The following NUDT6 variants were observed in gnomAD, a reference collection of about 807,000 sequenced individuals.
NUDT6 encodes the protein nudix hydrolase 6, also known as FAD diphosphatase NUDT6.
In NUDT6, 24 loss-of-function variants were observed where a neutral mutation model predicts 36.8. The observed-to-expected ratio is 0.65, with a 90% CI of 0.47 to 0.92. The LOEUF (loss-of-function observed/expected upper bound fraction) is 0.92, where lower values mean the gene tolerates loss of function less well. NUDT6 is among the 40% of genes least tolerant of loss of function. The pLI is 0.00. For synonymous variants in NUDT6, 163 were observed against 157.0 expected (o/e 1.04, Z -0.29); for missense variants, 388 against 392.8 (o/e 0.99, Z 0.10).
At position 122,899,044 on chromosome 4, in the gene NUDT6, A is replaced by ATTTTTTTTTTTTTTTTTTTTTTTT. The variant is rs113708696; in HGVS notation, c.499-1367_499-1366insAAAAAAAAAAAAAAAAAAAAAAAA. 1.1e-3 allele frequency among the ~76,000 whole-genome samples: 78 copies of ATTTTTTTTTTTTTTTTTTTTTTTT among 69,396 alleles called. 22 individuals are homozygous for ATTTTTTTTTTTTTTTTTTTTTTTT. Among genetic ancestry groups the ATTTTTTTTTTTTTTTTTTTTTTTT allele is most frequent in the South Asian group, 1.7e-3 (4 of 2,308 alleles). The allele number at this position is 69,396 out of a possible 152,430, so 45.5% of individuals were successfully genotyped here. A position where few individuals can be genotyped will look rare whatever the true frequency, so the allele number is the denominator to read the frequency against. On this transcript the variant is annotated intron_variant, in intron 3 of 4. Coordinates refer to ENST00000304430, the MANE Select transcript of NUDT6 (RefSeq NM_007083.5). ...CTACAGGTGTGCACCACCACACCTA[A>ATTTTTTTTTTTTTTTTTTTTTTTT]TTTTTTTTTTTTTTTTAGAGATGAG...
intron 1 of NUDT6, chr4:122,920,746 C>G (rs1011204108): frequency 2.0e-5 from 3 of 152,184 alleles, no homozygotes; most frequent in Non-Finnish European, 2.9e-5. Context: ...TACCCACACA[C>G]TGGAAGATAA....
At chr4:122,910,587 TG>T (rs142026840) in intron 3 of NUDT6, among the ~76,000 whole-genome samples, 24,099 of 152,140 alleles carry the variant, frequency 0.16, 2,413 homozygotes, top group East Asian at 0.45. Context: ...AAATCACTTC[TG>T]AAACCCAGTG....
Position 122,893,278 on chromosome 4 carries a change from G to C in NUDT6, c.554-53C>G. 2.0e-6 allele frequency: 3 copies of C among 1,489,820 alleles called. No homozygotes were observed. In the South Asian group the frequency reaches 4.2e-5, roughly 21 times the overall value. The allele number at this position is 1,489,820 out of a possible 1,614,324, so 92.3% of individuals were successfully genotyped here. ...AATAATAATTACACTTTTAGAAACT[G>C]TATCATCAAAGATTTTCAGTTAAAG... On this transcript the variant is annotated intron_variant, in intron 4 of 4. Coordinates refer to ENST00000304430, the MANE Select transcript of NUDT6 (RefSeq NM_007083.5).
intron 2 of NUDT6, among the ~76,000 whole-genome samples, chr4:122,916,902 C>T (rs1706625777): frequency 6.6e-6 from 1 of 152,106 alleles, no homozygotes; most frequent in South Asian, 2.1e-4. Flanking sequence ...ACAGGGAAGG[C>T]TACTAAGTAA....
At chr4:122,920,430 A>T (rs1727948642) in intron 1 of NUDT6, 1 of 152,260 alleles carries the variant, frequency 6.6e-6, no homozygotes, top group African/African-American at 2.4e-5. Flanking sequence ...AGTGCAACAA[A>T]ATTTGTTTTA....
intron 3 of NUDT6, among the ~76,000 whole-genome samples, chr4:122,910,310 A>G (rs1332894485): frequency 6.6e-6 from 1 of 152,216 alleles, no homozygotes; most frequent in African/African-American, 2.4e-5. Context: ...CTCAAAAAAC[A>G]TAAAGCTGTC....
chr4:122,897,865 C>G, intron 3 of NUDT6, 187 bp from the exon 4 acceptor site: 4 of 576,278 alleles, frequency 6.9e-6, no homozygotes. Flanking sequence ...GAGCTGGTAA[C>G]TGATGAAATC....
At chr4:122,893,474 C>T (rs1331710005) in intron 4 of NUDT6, 3 of 358,224 alleles carry the variant, frequency 8.4e-6, no homozygotes, top group Non-Finnish European at 1.5e-5. Context: ...GCTTATCTAC[C>T]TGTACATTTT....
rs376293988 is a variant in NUDT6, at chr4:122,922,451, A to G, written c.122T>C (p.Val41Ala). The change falls in exon 1 of 5, where the codon GTT becomes GCT. Residue 41 changes from valine (V) to alanine (A), a missense_variant. Val to Ala is a moderately conservative substitution (Grantham distance 64). Transcript: ENST00000304430. ...CTCGCCCTGCAGATCGCACGCTCCA[A>G]CTGGCGGATTCCGCACGTAACCCTG... The part of the protein sequence containing the change: ...GAQGYVRNPP[V>A]GACDLQGELD... The G allele has an allele frequency of 3.0e-5, 49 of 1,612,050 alleles. No homozygotes were observed. In the Middle Eastern group the frequency reaches 3.1e-3, roughly 103 times the overall value.
intron 3 of NUDT6, among the ~76,000 whole-genome samples, chr4:122,906,717 A>T (rs1400866395): frequency 1.3e-5 from 2 of 152,168 alleles, no homozygotes; most frequent in Non-Finnish European, 2.9e-5. Flanking sequence ...CCAGGAGGTT[A>T]GGCATTCTAA....
rs763437425 is a variant in NUDT6 at position 122,917,573 on chromosome 4, T to C, written c.370A>G (p.Thr124Ala). 1.1e-5 allele frequency: 18 copies of C among 1,614,084 alleles called. No individual in the cohort carries two copies. Among genetic ancestry groups the C allele is most frequent in the Non-Finnish European group, 1.4e-5 (17 of 1,180,040 alleles). Residue 124 changes from threonine (T) to alanine (A), a missense_variant, in exon 2 of 5, where the codon ACG (threonine) becomes GCG (alanine). By Grantham distance (58) the Thr-to-Ala change is moderately conservative. Transcript: ENST00000304430. ...CFHHAESDSS[T>A]LTLWLREGPS... ...CCTTCTCTCAGCCACAGAGTCAACGTTGATGAATCCGATTCTGCGTGGTGA... is the reference window on the plus strand; with the variant it reads ...CCTTCTCTCAGCCACAGAGTCAACGCTGATGAATCCGATTCTGCGTGGTGA...
chr4:122,902,171 G>A (rs1727536321), intron 3 of NUDT6, among the ~76,000 whole-genome samples: 1 of 152,154 alleles, frequency 6.6e-6, no homozygotes, highest in African/African-American at 2.4e-5. Flanking sequence ...TGTCTCATAA[G>A]TTTGTTCATT....
chr4:122,905,042 A>AC (rs1727592380), intron 3 of NUDT6, among the ~76,000 whole-genome samples: 1 of 152,076 alleles, frequency 6.6e-6, no homozygotes, highest in Non-Finnish European at 1.5e-5. Flanking sequence ...ATGGAAGGGG[A>AC]CCCCAGCGGG....
intron 3 of NUDT6, among the ~76,000 whole-genome samples, chr4:122,906,742 T>C (rs1210380084): frequency 6.6e-6 from 1 of 152,076 alleles, no homozygotes; most frequent in Non-Finnish European, 1.5e-5. Context: ...CAGGATGAGA[T>C]AGGAGGCCAC....
intron 3 of NUDT6, among the ~76,000 whole-genome samples, chr4:122,909,714 G>A (rs913441543): frequency 6.6e-6 from 1 of 152,146 alleles, no homozygotes; most frequent in African/African-American, 2.4e-5. Flanking sequence ...AACCATTCAT[G>A]AACCTATCTA....
At chr4:122,900,332 C>T (rs1363277906) in intron 3 of NUDT6, among the ~76,000 whole-genome samples, 1 of 147,806 alleles carries the variant, frequency 6.8e-6, no homozygotes, top group East Asian at 1.9e-4. Context: ...GAATTATGCA[C>T]ATTTAAACTT....
At position 122,922,573 on chromosome 4, in the gene NUDT6, C is replaced by A; in HGVS notation, c.-1G>T. On this transcript the variant is annotated 5_prime_UTR_variant, in exon 1 of 5. Coordinates refer to ENST00000304430, the MANE Select transcript of NUDT6 (RefSeq NM_007083.5). The stretch of plus-strand genomic sequence containing the variant: ...GGCCCCAGCTCAGTGGCTGCCGCAT[C>A]TCCACGCCGCTTAATTCGTCCGTTG... The A allele has an allele frequency of 6.3e-7, 1 of 1,591,740 alleles. No homozygotes were observed. Among genetic ancestry groups the A allele is most frequent in the Non-Finnish European group, 8.5e-7 (1 of 1,174,082 alleles).
chr4:122,896,178 G>A (rs1364525839), intron 4 of NUDT6: 1 of 145,454 alleles, frequency 6.9e-6, no homozygotes, highest in Non-Finnish European at 1.5e-5. Flanking sequence ...ACAACCACAA[G>A]CACTTTTTTT....
chr4:122,905,006 G>A (rs1470933132), intron 3 of NUDT6, among the ~76,000 whole-genome samples: 1 of 152,162 alleles, frequency 6.6e-6, no homozygotes, highest in Non-Finnish European at 1.5e-5. Flanking sequence ...TTACTATGAA[G>A]AGCCAAAGAA....
Sources: gnomAD v4.1 joint callset for allele counts (sites outside exome capture counted in the v4.1 genomes callset) on GRCh38, gnomAD v4.1.1 for gene constraint, MANE v1.5 for transcripts, NCBI Gene and HGNC (gene_info 2026-07-23, HGNC 2026-07-21) for gene names.